CSMD1: variants seen among roughly 807,000 people sequenced by gnomAD.
CSMD1 encodes CUB and sushi domain-containing protein 1.
A neutral mutation model predicts 417.5 loss-of-function variants in CSMD1; 213 were observed. The observed-to-expected ratio is 0.51, with a 90% CI of 0.46 to 0.57. CSMD1 has a LOEUF of 0.57. Ranked by LOEUF, CSMD1 falls within the 20% of genes least tolerant of loss-of-function variation. The probability of loss-of-function intolerance (pLI) is 0.00; values close to 1 mark genes in which losing one functional copy is unlikely to be tolerated. For missense variants in CSMD1, 6,923 were observed against 4,529.7 expected, an observed-to-expected ratio of 1.53 and a Z score of -15.17; for synonymous variants, 2,862 against 1,736.8, an observed-to-expected ratio of 1.65 and a Z score of -16.11.
intron 1 of CSMD1, among the ~76,000 whole-genome samples, chr8:4,837,161 A>C (rs112002672): frequency 0.014 from 2,085 of 151,096 alleles, 31 homozygotes; most frequent in East Asian, 0.045. Flanking sequence ...AAAAGACACT[A>C]ACACATGCGG....
At chr8:3,942,769 G>C (rs998809622) in intron 5 of CSMD1, among the ~76,000 whole-genome samples, 3 of 152,004 alleles carry the variant, frequency 2.0e-5, no homozygotes, top group African/African-American at 7.3e-5. Flanking sequence ...TTTATTACTG[G>C]TTATTTAAAC....
rs76647760 is a variant in CSMD1, at chr8:3,814,389, A to G, written c.819-60347T>C. Among the ~76,000 whole-genome samples the G allele has an allele frequency of 5.5e-3, 833 of 152,298 alleles. 10 individuals are homozygous for G. Among genetic ancestry groups the G allele is most frequent in the African/African-American group, 0.019 (776 of 41,558 alleles). On this transcript the variant is annotated intron_variant, in intron 5 of 69. Transcript: ENST00000635120. ...GGCTTTACCTCTTATACATTATACTATATCAGGGAGTAAACTTAAAAACAA... is the reference window on the plus strand; with the variant it reads ...GGCTTTACCTCTTATACATTATACTGTATCAGGGAGTAAACTTAAAAACAA...
chr8:3,430,064 T>TATATATACACACATGCATATATAC (rs1814120346), intron 12 of CSMD1, among the ~76,000 whole-genome samples: 3 of 152,094 alleles, frequency 2.0e-5, no homozygotes, highest in Admixed American at 6.5e-5. Flanking sequence ...GCCAAGTATG[T>TATATATACACACATGCATATATAC]ATATATACAC....
chr8:4,448,781 G>A (rs1798963686), intron 2 of CSMD1, among the ~76,000 whole-genome samples: 1 of 152,086 alleles, frequency 6.6e-6, no homozygotes, highest in Non-Finnish European at 1.5e-5. Flanking sequence ...GGCTTTAAAT[G>A]ATGTCATCTG....
At chr8:4,672,933 T>G (rs994534029) in intron 1 of CSMD1, among the ~76,000 whole-genome samples, 1 of 151,472 alleles carries the variant, frequency 6.6e-6, no homozygotes, top group Non-Finnish European at 1.5e-5. Context: ...GACATACACA[T>G]GCATACATGG....
intron 15 of CSMD1, among the ~76,000 whole-genome samples, chr8:3,402,669 A>G (rs1812108352): frequency 6.6e-6 from 1 of 152,066 alleles, no homozygotes; most frequent in Non-Finnish European, 1.5e-5. Context: ...GGTATGGATA[A>G]TTTCTCTTTT....
At chr8:4,135,774 A>G (rs1250930283) in intron 3 of CSMD1, among the ~76,000 whole-genome samples, 1 of 152,202 alleles carries the variant, frequency 6.6e-6, no homozygotes, top group Non-Finnish European at 1.5e-5. Flanking sequence ...AGAGAAACTG[A>G]TTAATGATAG....
intron 1 of CSMD1, among the ~76,000 whole-genome samples, chr8:4,813,829 G>A (rs761087094): frequency 6.6e-5 from 10 of 152,190 alleles, no homozygotes; most frequent in Non-Finnish European, 1.0e-4. Flanking sequence ...ATACAAGGCA[G>A]TAATTCCAGA....
At chr8:4,913,320 C>A (rs913116431) in intron 1 of CSMD1, among the ~76,000 whole-genome samples, 2 of 152,176 alleles carry the variant, frequency 1.3e-5, no homozygotes, top group African/African-American at 4.8e-5. Context: ...TAATTACTTG[C>A]AATAATTGTT....
At chr8:4,831,554 G>A (rs542787236) in intron 1 of CSMD1, among the ~76,000 whole-genome samples, 1 of 152,072 alleles carries the variant, frequency 6.6e-6, no homozygotes, top group African/African-American at 2.4e-5. Context: ...GTGTCTCCAA[G>A]GGTTTAAGGA....
chr8:3,158,860 T>C (rs1819704744), intron 38 of CSMD1, among the ~76,000 whole-genome samples: 2 of 152,284 alleles, frequency 1.3e-5, no homozygotes, highest in East Asian at 1.9e-4. Flanking sequence ...CAATATCTAA[T>C]GTATGTTAAA....
At chr8:3,474,394 T>C (rs1817289383) in intron 11 of CSMD1, among the ~76,000 whole-genome samples, 2 of 152,134 alleles carry the variant, frequency 1.3e-5, no homozygotes, top group Admixed American at 1.3e-4. Flanking sequence ...TTCCTGACAA[T>C]GTTTTCTTGG....
chr8:4,081,437 C>A (rs1375373013), intron 3 of CSMD1, among the ~76,000 whole-genome samples: 3 of 152,064 alleles, frequency 2.0e-5, no homozygotes, highest in Admixed American at 6.5e-5. Flanking sequence ...TTGGATCACA[C>A]CTTCTGGGGA....
intron 3 of CSMD1, among the ~76,000 whole-genome samples, chr8:4,123,908 A>G (rs1040302198): frequency 6.6e-6 from 1 of 152,326 alleles, no homozygotes; most frequent in East Asian, 1.9e-4. Context: ...CAGATTTCAC[A>G]ATCTCTTACA....
chr8:4,535,045 G>A (rs1368895322), intron 2 of CSMD1, among the ~76,000 whole-genome samples: 3 of 152,206 alleles, frequency 2.0e-5, no homozygotes, highest in Non-Finnish European at 4.4e-5. Flanking sequence ...ACAGGCGTGA[G>A]CCACCACGCC....
chr8:4,499,686 C>G (rs566369834), intron 2 of CSMD1, among the ~76,000 whole-genome samples: 11 of 152,130 alleles, frequency 7.2e-5, no homozygotes, highest in Non-Finnish European at 1.5e-4. Context: ...TAGTGAATAA[C>G]TTTAATAAAT....
chr8:4,711,158 CA>C (rs11324282), intron 1 of CSMD1, among the ~76,000 whole-genome samples: 18,518 of 131,828 alleles, frequency 0.14, 1,333 homozygotes, highest in African/African-American at 0.24. Context: ...AATTTTCTCA[CA>C]AAAAAAAAAA....
intron 4 of CSMD1, 95 bp downstream of exon 4, chr8:4,031,810 A>G (rs1797361053): frequency 3.2e-6 from 3 of 929,218 alleles, no homozygotes; most frequent in East Asian, 2.7e-5. Context: ...CTCAACATGT[A>G]TTATTTTCAT....
At chr8:4,935,981 G>C (rs899336856) in intron 1 of CSMD1, among the ~76,000 whole-genome samples, 1 of 152,160 alleles carries the variant, frequency 6.6e-6, no homozygotes, top group Admixed American at 6.6e-5. Context: ...CTTCATGGAA[G>C]AATCAGCAAA....
Sources: allele counts gnomAD v4.1 joint callset (sites outside exome capture counted in the v4.1 genomes callset), GRCh38; gene constraint gnomAD v4.1.1; transcripts MANE v1.5; gene names NCBI Gene and HGNC (gene_info 2026-07-23, HGNC 2026-07-21).